Variants in OXR1 observed in about 807,000 individuals in gnomAD.
OXR1 encodes oxidation resistance protein 1.
A neutral mutation model predicts 104.6 loss-of-function variants in OXR1; 41 were observed. The observed-to-expected ratio is 0.39, with a 90% CI of 0.31 to 0.51. OXR1 has a LOEUF of 0.51. Among genes scored for constraint, OXR1 ranks in the 20% least tolerant of loss-of-function variants. The pLI is 0.77. For synonymous variants in OXR1, 348 were observed against 348.4 expected (o/e 1.00, Z 0.01); for missense variants, 955 against 1,031.9 (o/e 0.93, Z 1.02).
chr8:106,587,165 A>AT (rs1818693073), intron 3 of OXR1, among the ~76,000 whole-genome samples: 1 of 152,126 alleles, frequency 6.6e-6, no homozygotes, highest in South Asian at 2.1e-4. Context: ...GTGAGAGAGG[A>AT]TGGGGATACA....
At chr8:106,423,961 G>C (rs1819006366) in intron 2 of OXR1, among the ~76,000 whole-genome samples, 1 of 152,102 alleles carries the variant, frequency 6.6e-6, no homozygotes, top group Admixed American at 6.5e-5. Flanking sequence ...TTTTGAGACA[G>C]AGTCTCGCTG....
chr8:106,575,062 T>A (rs1817730493), intron 3 of OXR1, among the ~76,000 whole-genome samples: 1 of 152,168 alleles, frequency 6.6e-6, no homozygotes, highest in South Asian at 2.1e-4. Flanking sequence ...TCTCACACCA[T>A]TAAAATGTGA....
At chr8:106,430,808 C>T (rs1341768624) in intron 2 of OXR1, among the ~76,000 whole-genome samples, 1 of 152,276 alleles carries the variant, frequency 6.6e-6, no homozygotes, top group East Asian at 1.9e-4. Flanking sequence ...ACAGGACAAA[C>T]CCATTTTAGT....
intron 11 of OXR1, among the ~76,000 whole-genome samples, chr8:106,717,300 T>C (rs1832359757): frequency 6.6e-6 from 1 of 152,238 alleles, no homozygotes; most frequent in Non-Finnish European, 1.5e-5. Context: ...AGAATTTGGC[T>C]AAAGCCCTTA....
chr8:106,454,963 T>C lies in OXR1; in HGVS notation c.24-63980T>C, dbSNP rs548226599. Among the ~76,000 whole-genome samples the C allele has an allele frequency of 4.5e-4, 68 of 152,220 alleles. 1 individual carries two copies. Among genetic ancestry groups the C allele is most frequent in the Non-Finnish European group, 9.4e-4 (64 of 68,034 alleles). On this transcript the variant is annotated intron_variant, in intron 2 of 16. Coordinates refer to ENST00000517566, the MANE Select transcript of OXR1 (RefSeq NM_001198533.2). Reference sequence around the variant, plus strand: ...TGAATACTTCTGACAATTTTTAGTATGCATGTTGAAAGATAAGAACTAACA... The same window carrying C: ...TGAATACTTCTGACAATTTTTAGTACGCATGTTGAAAGATAAGAACTAACA...
At chr8:106,419,975 A>T (rs1247520381) in intron 2 of OXR1, among the ~76,000 whole-genome samples, 1 of 152,140 alleles carries the variant, frequency 6.6e-6, no homozygotes, top group Non-Finnish European at 1.5e-5. Flanking sequence ...GTAGCCCAGA[A>T]TATTTAACTT....
chr8:106,735,752 T>C (rs1037480564), intron 11 of OXR1, among the ~76,000 whole-genome samples: 1 of 152,140 alleles, frequency 6.6e-6, no homozygotes, highest in African/African-American at 2.4e-5. Flanking sequence ...TTTTTATTTT[T>C]AGTACCTAAT....
At chr8:106,588,814 T>C (rs902943234) in intron 3 of OXR1, among the ~76,000 whole-genome samples, 2 of 152,202 alleles carry the variant, frequency 1.3e-5, no homozygotes, top group Non-Finnish European at 2.9e-5. Context: ...TTTCTTTTAA[T>C]ATGGTATAAT....
intron 11 of OXR1, among the ~76,000 whole-genome samples, chr8:106,721,715 T>C (rs1237136259): frequency 6.6e-6 from 1 of 152,222 alleles, no homozygotes; most frequent in Non-Finnish European, 1.5e-5. Context: ...ATACTATTAT[T>C]CAAAATATGT....
intron 3 of OXR1, among the ~76,000 whole-genome samples, chr8:106,538,482 T>C (rs985647818): frequency 6.6e-6 from 1 of 152,180 alleles, no homozygotes; most frequent in African/African-American, 2.4e-5. Flanking sequence ...GTTTTGTTGT[T>C]CCAAATCTAG....
intron 2 of OXR1, among the ~76,000 whole-genome samples, chr8:106,466,208 T>C (rs1013378988): frequency 2.6e-5 from 4 of 151,994 alleles, no homozygotes; most frequent in African/African-American, 9.7e-5. Context: ...AGATGATTTC[T>C]GAATTTAATG....
chr8:106,478,005 C>T (rs899417676), intron 2 of OXR1, among the ~76,000 whole-genome samples: 14 of 151,886 alleles, frequency 9.2e-5, no homozygotes, highest in Non-Finnish European at 1.6e-4. Flanking sequence ...GGATGGCTGT[C>T]AGAATAAAAG....
At chr8:106,331,393 G>A (rs1423697905) in intron 1 of OXR1, among the ~76,000 whole-genome samples, 1 of 152,028 alleles carries the variant, frequency 6.6e-6, no homozygotes, top group African/African-American at 2.4e-5. Flanking sequence ...AGATTAATTT[G>A]TCATTGAAAC....
intron 3 of OXR1, among the ~76,000 whole-genome samples, chr8:106,654,127 T>G (rs959681233): frequency 2.0e-5 from 3 of 152,132 alleles, no homozygotes; most frequent in African/African-American, 7.2e-5. Flanking sequence ...ACTTCCCATA[T>G]TGATCTACTG....
chr8:106,595,565 A>G (rs1018829461), intron 3 of OXR1, among the ~76,000 whole-genome samples: 4 of 151,824 alleles, frequency 2.6e-5, no homozygotes, highest in African/African-American at 7.3e-5. Flanking sequence ...AAAAAAAAAA[A>G]AAAAAGAAAA....
At chr8:106,585,229 T>G (rs1358036297) in intron 3 of OXR1, among the ~76,000 whole-genome samples, 1 of 152,078 alleles carries the variant, frequency 6.6e-6, no homozygotes, top group African/African-American at 2.4e-5. Context: ...GGATGGCAAT[T>G]CTAGAATAGG....
intron 3 of OXR1, among the ~76,000 whole-genome samples, chr8:106,591,562 C>T (rs1036108146): frequency 2.0e-5 from 3 of 151,836 alleles, no homozygotes; most frequent in Admixed American, 6.6e-5. Flanking sequence ...AAGTCTAGTC[C>T]ATAAATTAAA....
rs1257558258 is a variant in OXR1, at chr8:106,606,332, ACT to A, written c.221-72875_221-72874del. The stretch of plus-strand genomic sequence containing the variant: ...TATTTATTTATTGAGACAGAGTCCC[ACT>A]CTGTTGCCCAGGCTGGAGTGCAGTG... On this transcript the variant is annotated intron_variant, in intron 3 of 16. Coordinates refer to ENST00000517566, the MANE Select transcript of OXR1 (RefSeq NM_001198533.2). 1.1e-4 allele frequency among the ~76,000 whole-genome samples: 17 copies of A among 151,358 alleles called. No individual in the cohort carries two copies. In the East Asian group the frequency reaches 3.1e-3, roughly 28 times the overall value.
At chr8:106,666,686 C>G (rs1176867769) in intron 3 of OXR1, among the ~76,000 whole-genome samples, 2 of 152,130 alleles carry the variant, frequency 1.3e-5, no homozygotes, top group Non-Finnish European at 1.5e-5. Context: ...TGAAACTGAC[C>G]TACCAGGATT....
Sources: gnomAD v4.1 joint callset for allele counts (sites outside exome capture counted in the v4.1 genomes callset) on GRCh38, gnomAD v4.1.1 for gene constraint, MANE v1.5 for transcripts, NCBI Gene and HGNC (gene_info 2026-07-23, HGNC 2026-07-21) for gene names.